RPS6KC1: variants seen among roughly 807,000 people sequenced by gnomAD.
The protein encoded by RPS6KC1 is inactive ribosomal protein S6 kinase delta-1.
Under a neutral mutation model 103.8 loss-of-function variants are expected in RPS6KC1, and 54 were observed. The ratio of observed to expected loss-of-function variants is 0.52; its 90% CI spans 0.42 to 0.65. The LOEUF (loss-of-function observed/expected upper bound fraction) is 0.65. RPS6KC1 is among the 30% of genes least tolerant of loss of function. The pLI is 0.00. For missense variants in RPS6KC1, 1,151 were observed against 1,253.8 expected (o/e 0.92, Z 1.24); for synonymous variants, 439 against 438.7 (o/e 1.00, Z -0.01).
At chr1:213,411,072 G>A in the RPS6KC1 span, among the ~76,000 whole-genome samples, 1 of 152,162 alleles carries the variant, frequency 6.6e-6, no homozygotes, top group African/African-American at 2.4e-5. Context: ...GCAAGGAGGG[G>A]TGACAGGAGG....
chr1:213,573,332 C>A, the RPS6KC1 span, among the ~76,000 whole-genome samples: 18 of 152,276 alleles, frequency 1.2e-4, no homozygotes, highest in African/African-American at 4.3e-4. Context: ...GGAATGGAAG[C>A]CATTGAAGAA....
intron 8 of RPS6KC1, among the ~76,000 whole-genome samples, chr1:213,217,351 A>G (rs1159091237): frequency 2.0e-5 from 3 of 152,184 alleles, no homozygotes; most frequent in Non-Finnish European, 4.4e-5. Context: ...ATAGACCAAT[A>G]ACAGGCTCTG....
the RPS6KC1 span, among the ~76,000 whole-genome samples, chr1:213,715,777 A>G: frequency 6.6e-6 from 1 of 152,206 alleles, no homozygotes; most frequent in Non-Finnish European, 1.5e-5. Context: ...GAAAAATATA[A>G]TAAAGCCAGG....
At chr1:213,508,871 G>A in the RPS6KC1 span, among the ~76,000 whole-genome samples, 1 of 152,250 alleles carries the variant, frequency 6.6e-6, no homozygotes, top group East Asian at 1.9e-4. Flanking sequence ...GGAGAGAAAA[G>A]GGCAATGGCA....
At chr1:213,228,345 T>C (rs955196670) in intron 8 of RPS6KC1, among the ~76,000 whole-genome samples, 1 of 152,220 alleles carries the variant, frequency 6.6e-6, no homozygotes, top group Non-Finnish European at 1.5e-5. Flanking sequence ...CCGACTATTA[T>C]AGCTTCTACA....
intron 8 of RPS6KC1, among the ~76,000 whole-genome samples, chr1:213,204,001 A>G (rs189751604): frequency 1.2e-3 from 186 of 152,318 alleles, no homozygotes; most frequent in South Asian, 2.9e-3. Context: ...GCCATTTTCC[A>G]GTCCTCCAGA....
the RPS6KC1 span, among the ~76,000 whole-genome samples, chr1:213,460,878 G>T: frequency 5.9e-5 from 9 of 152,082 alleles, no homozygotes; most frequent in Non-Finnish European, 8.8e-5. Flanking sequence ...GAAATTCTGG[G>T]TTGAAAACTC....
chr1:213,622,420 T>A, the RPS6KC1 span, among the ~76,000 whole-genome samples: 1 of 152,118 alleles, frequency 6.6e-6, no homozygotes, highest in Non-Finnish European at 1.5e-5. Context: ...CTTTCTCCCA[T>A]GTCAGTGGGC....
At chr1:213,634,699 A>C in the RPS6KC1 span, among the ~76,000 whole-genome samples, 2 of 152,184 alleles carry the variant, frequency 1.3e-5, no homozygotes, top group African/African-American at 4.8e-5. Flanking sequence ...CAAATTCAAA[A>C]GCTAGAAGAA....
chr1:213,416,137 T>C, the RPS6KC1 span, among the ~76,000 whole-genome samples: 1 of 152,166 alleles, frequency 6.6e-6, no homozygotes, highest in Non-Finnish European at 1.5e-5. Context: ...CTCCCACGCA[T>C]GCACCCGGCA....
the RPS6KC1 span, among the ~76,000 whole-genome samples, chr1:213,379,286 A>T: frequency 6.6e-6 from 1 of 152,200 alleles, no homozygotes; most frequent in African/African-American, 2.4e-5. Flanking sequence ...GTCATTACAG[A>T]TATAATTAGT....
At chr1:213,170,970 C>T (rs2091430585) in intron 7 of RPS6KC1, among the ~76,000 whole-genome samples, 1 of 152,158 alleles carries the variant, frequency 6.6e-6, no homozygotes, top group South Asian at 2.1e-4. Context: ...AGTGTGCAAA[C>T]ATTTCTTTCT....
chr1:213,426,215 T>C, the RPS6KC1 span, among the ~76,000 whole-genome samples: 1 of 152,086 alleles, frequency 6.6e-6, no homozygotes, highest in African/African-American at 2.4e-5. Flanking sequence ...CTGGCTCCCT[T>C]GTGTCTGGTA....
At chr1:213,727,104 G>A in the RPS6KC1 span, among the ~76,000 whole-genome samples, 1 of 152,138 alleles carries the variant, frequency 6.6e-6, no homozygotes, top group African/African-American at 2.4e-5. Flanking sequence ...ACATTGACCC[G>A]ACCCTTTCAG....
chr1:213,642,568 T>A, the RPS6KC1 span, among the ~76,000 whole-genome samples: 1 of 152,016 alleles, frequency 6.6e-6, no homozygotes, highest in South Asian at 2.1e-4. Flanking sequence ...TCGTAGGAGG[T>A]TTTTAATCCT....
At chr1:213,228,861 A>G (rs935132557) in intron 8 of RPS6KC1, among the ~76,000 whole-genome samples, 1 of 152,204 alleles carries the variant, frequency 6.6e-6, no homozygotes. Flanking sequence ...TACAGGGTGG[A>G]TAAGAGAAGT....
the RPS6KC1 span, among the ~76,000 whole-genome samples, chr1:213,684,988 T>C: frequency 6.6e-6 from 1 of 152,254 alleles, no homozygotes; most frequent in African/African-American, 2.4e-5. Context: ...GTTGCATTTC[T>C]GTCACTTGCA....
the RPS6KC1 span, among the ~76,000 whole-genome samples, chr1:213,322,612 A>G: frequency 6.6e-6 from 1 of 152,322 alleles, no homozygotes; most frequent in African/African-American, 2.4e-5. Context: ...TCGTAAAATC[A>G]AGGTGTTAGC....
chr1:213,676,317 G>A, the RPS6KC1 span, among the ~76,000 whole-genome samples: 1 of 152,240 alleles, frequency 6.6e-6, no homozygotes, highest in African/African-American at 2.4e-5. Flanking sequence ...AGCCCTTGGG[G>A]TCCTTTAAAG....
Sources: allele counts gnomAD v4.1 joint callset (sites outside exome capture counted in the v4.1 genomes callset), GRCh38; gene constraint gnomAD v4.1.1; transcripts MANE v1.5; gene names NCBI Gene and HGNC (gene_info 2026-07-23, HGNC 2026-07-21).